Variants in SLC25A14 observed in about 807,000 individuals in gnomAD.
SLC25A14 encodes brain mitochondrial carrier protein 1.
SLC25A14 carries 8 observed loss-of-function variants against 28.1 expected under a neutral mutation model. The observed-to-expected ratio is 0.28, with a 90% CI of 0.17 to 0.51. The LOEUF (loss-of-function observed/expected upper bound fraction) is 0.51. Among genes scored for constraint, SLC25A14 ranks in the 20% least tolerant of loss-of-function variants. The probability of loss-of-function intolerance (pLI) is 0.97; values close to 1 mark genes in which losing one functional copy is unlikely to be tolerated. For missense variants in SLC25A14, 135 were observed against 263.8 expected (o/e 0.51, Z 3.38); for synonymous variants, 74 against 90.6 (o/e 0.82, Z 1.04).
At chrX:130,358,354 A>G (rs370230120) in intron 6 of SLC25A14, among the ~76,000 whole-genome samples, 1 of 111,665 alleles carries the variant, frequency 9.0e-6, no homozygotes, top group East Asian at 2.8e-4. Context: ...TGAGTACTTG[A>G]TCTTTCTTTT....
chrX:130,355,186 T>C (rs1305786823), intron 6 of SLC25A14, among the ~76,000 whole-genome samples: 1 of 112,082 alleles, frequency 8.9e-6, no homozygotes, highest in South Asian at 3.7e-4. Context: ...TCTATAGTTA[T>C]TGGTTTCATT....
At position 130,373,213 on chromosome X, in the gene SLC25A14, A is replaced by G; in HGVS notation, c.*263A>G. ...CTATGAAGATGGATACTGATGGGTG[A>G]CATTGAAAACGGCCTGCTTTCCAAA... On this transcript the variant is annotated 3_prime_UTR_variant, in exon 11 of 11. Transcript: ENST00000545805. 3 of 314,561 alleles carry G rather than the reference A, an allele frequency of 9.5e-6. No individual in the cohort carries two copies. The highest frequency in any genetic ancestry group is 1.6e-5 in the Non-Finnish European group (3 of 184,307). 25.9% of individuals were successfully genotyped at this position (314,561 alleles called of 1,213,427 possible). A position where few individuals can be genotyped will look rare whatever the true frequency, so the allele number is the denominator to read the frequency against.
chrX:130,373,164 A>G lies in SLC25A14; in HGVS notation c.*214A>G. The G allele has an allele frequency of 2.7e-6, 1 of 366,122 alleles. No individual in the cohort carries two copies. 30.2% of individuals were successfully genotyped at this position (366,122 alleles called of 1,213,427 possible). ...CCCGAGAGAAAGTGTTAACATTGAG[A>G]CTCTGGCCCCAGATTGGTATCTTCT... On this transcript the variant is annotated 3_prime_UTR_variant, in exon 11 of 11. Transcript: ENST00000545805.
intron 2 of SLC25A14, among the ~76,000 whole-genome samples, chrX:130,341,318 C>T (rs2033251944): frequency 8.9e-6 from 1 of 112,772 alleles, no homozygotes; most frequent in East Asian, 2.8e-4. Context: ...TACTGTATTT[C>T]GTACTTTTTT....
At position 130,369,725 on chromosome X, in the gene SLC25A14, A is replaced by G. The variant is rs777472546; in HGVS notation, c.856-1839A>G. On this transcript the variant is annotated intron_variant, in intron 9 of 10. Coordinates refer to ENST00000545805, the MANE Select transcript of SLC25A14 (RefSeq NM_001282195.2). ...GGCCTGAGTTGGAAATAAGCTGGAC[A>G]TGTTCAAGGGTTAGAAAGAAAGCTA... Among the ~76,000 whole-genome samples, 3 of 111,739 alleles carry G rather than the reference A, an allele frequency of 2.7e-5. No homozygotes were observed. In the Admixed American group the frequency reaches 2.9e-4, roughly 11 times the overall value.
Position 130,346,941 on chromosome X carries a change from C to T in SLC25A14, c.317+250C>T, listed in dbSNP as rs190129194. ...CAGCATAGGCTTTCTGTGGATTTCC[C>T]GAGAGTCACTAATAGCCACTGTTAA... On this transcript the variant is annotated intron_variant, in intron 4 of 10. Transcript: ENST00000545805. 6.6e-3 allele frequency among the ~76,000 whole-genome samples: 729 copies of T among 111,239 alleles called. 5 individuals are homozygous for T. Among genetic ancestry groups the T allele is most frequent in the African/African-American group, 0.022 (667 of 30,719 alleles).
At chrX:130,372,230 G>C (rs947005780) in intron 10 of SLC25A14, among the ~76,000 whole-genome samples, 9 of 111,415 alleles carry the variant, frequency 8.1e-5, no homozygotes, top group Admixed American at 7.6e-4. Context: ...AGGGTATCTC[G>C]TTCCCTCTTG....
chrX:130,365,757 T>A, intron 9 of SLC25A14, 81 bp downstream of exon 9: 2 of 666,279 alleles, frequency 3.0e-6, no homozygotes, highest in Non-Finnish European at 4.5e-6. Flanking sequence ...TATTAGTTGC[T>A]ACATACCATT....
Sources: gnomAD v4.1 joint callset for allele counts (sites outside exome capture counted in the v4.1 genomes callset) on GRCh38, gnomAD v4.1.1 for gene constraint, MANE v1.5 for transcripts, NCBI Gene and HGNC (gene_info 2026-07-23, HGNC 2026-07-21) for gene names.